The following ENTREP1 variants were observed in gnomAD, a reference collection of about 807,000 sequenced individuals.
ENTREP1 encodes endosomal transmembrane epsin interactor 1, also known as Friedreich ataxia region gene X123.
chr9:69,368,739 A>C, the ENTREP1 span, among the ~76,000 whole-genome samples: 48,597 of 152,042 alleles, frequency 0.32, 9,050 homozygotes, highest in Admixed American at 0.4. Flanking sequence ...TCTTCTTTAT[A>C]AGTTTGGTAG....
the ENTREP1 span, among the ~76,000 whole-genome samples, chr9:69,346,845 G>GA: frequency 1.6e-4 from 25 of 152,172 alleles, no homozygotes; most frequent in Non-Finnish European, 2.9e-5. Flanking sequence ...TCCCAGCCTA[G>GA]AAAAAGATTA....
the ENTREP1 span, among the ~76,000 whole-genome samples, chr9:69,331,648 T>A: frequency 3.9e-5 from 6 of 152,222 alleles, no homozygotes; most frequent in Non-Finnish European, 7.3e-5. Flanking sequence ...GTTGCTGCTG[T>A]ACTCTTTTAG....
the ENTREP1 span, among the ~76,000 whole-genome samples, chr9:69,367,620 C>T: frequency 7.8e-6 from 1 of 128,298 alleles, no homozygotes; most frequent in Admixed American, 8.3e-5. Context: ...TATATACACA[C>T]ATATATATAA....
chr9:69,337,057 C>T, the ENTREP1 span, among the ~76,000 whole-genome samples: 4 of 137,630 alleles, frequency 2.9e-5, no homozygotes, highest in Non-Finnish European at 4.5e-5. Flanking sequence ...CCCTGTCGCC[C>T]AGGCTGGAGT....
the ENTREP1 span, among the ~76,000 whole-genome samples, chr9:69,347,606 G>C: frequency 6.6e-6 from 1 of 152,174 alleles, no homozygotes; most frequent in Non-Finnish European, 1.5e-5. Flanking sequence ...ACACAGCCTT[G>C]GACATTGTAA....
chr9:69,359,051 G>A, the ENTREP1 span, among the ~76,000 whole-genome samples: 359 of 151,840 alleles, frequency 2.4e-3, 3 homozygotes, highest in African/African-American at 8.4e-3. Flanking sequence ...GATTATAGGC[G>A]TGTATCACCG....
chr9:69,330,236 T>G, the ENTREP1 span, among the ~76,000 whole-genome samples: 1 of 152,148 alleles, frequency 6.6e-6, no homozygotes, highest in Non-Finnish European at 1.5e-5. Context: ...TGCACTAGAT[T>G]TAATGAAAGA....
chr9:69,364,450 C>T, the ENTREP1 span, among the ~76,000 whole-genome samples: 2 of 151,818 alleles, frequency 1.3e-5, no homozygotes, highest in Non-Finnish European at 2.9e-5. Flanking sequence ...TCTTCCCCTT[C>T]CCAGATGTTG....
chr9:69,334,136 C>CATG, the ENTREP1 span, among the ~76,000 whole-genome samples: 1 of 152,180 alleles, frequency 6.6e-6, no homozygotes, highest in African/African-American at 2.4e-5. Context: ...CCCAGGACCT[C>CATG]ATGGATTGCA....
the ENTREP1 span, among the ~76,000 whole-genome samples, chr9:69,347,751 T>C: frequency 6.6e-6 from 1 of 152,176 alleles, no homozygotes; most frequent in African/African-American, 2.4e-5. Flanking sequence ...CAGAGTGGCC[T>C]TGAACAACAT....
chr9:69,372,299 T>G, the ENTREP1 span, among the ~76,000 whole-genome samples: 2 of 152,196 alleles, frequency 1.3e-5, no homozygotes, highest in African/African-American at 4.8e-5. Context: ...AGAACTCTTT[T>G]CATATTGTAA....
chr9:69,328,518 C>T, the ENTREP1 span, among the ~76,000 whole-genome samples: 684 of 152,266 alleles, frequency 4.5e-3, 6 homozygotes, highest in Non-Finnish European at 7.5e-3. Flanking sequence ...CGCTGCTCCC[C>T]CTTCCTAACA....
At chr9:69,335,524 A>G in the ENTREP1 span, among the ~76,000 whole-genome samples, 1 of 152,170 alleles carries the variant, frequency 6.6e-6, no homozygotes, top group Non-Finnish European at 1.5e-5. Flanking sequence ...GGTACTTGGT[A>G]GGAAGGTATG....
the ENTREP1 span, among the ~76,000 whole-genome samples, chr9:69,367,694 C>CAT: frequency 1.1e-5 from 1 of 94,204 alleles, no homozygotes; most frequent in South Asian, 3.4e-4. Flanking sequence ...TATATATACA[C>CAT]ATATATATAA....
the ENTREP1 span, among the ~76,000 whole-genome samples, chr9:69,363,886 G>A: frequency 6.6e-6 from 1 of 152,202 alleles, no homozygotes; most frequent in Admixed American, 6.5e-5. Context: ...AACAGGAGAT[G>A]CCCCACACAC....
chr9:69,352,159 C>G, the ENTREP1 span, among the ~76,000 whole-genome samples: 5 of 152,002 alleles, frequency 3.3e-5, no homozygotes, highest in African/African-American at 1.2e-4. Flanking sequence ...CTCTGTTGCC[C>G]AGGCTGGAGT....
At chr9:69,350,060 T>C in the ENTREP1 span, among the ~76,000 whole-genome samples, 6 of 152,336 alleles carry the variant, frequency 3.9e-5, no homozygotes, top group South Asian at 1.2e-3. Flanking sequence ...GATGATGCCC[T>C]TTGAAGCACA....
the ENTREP1 span, among the ~76,000 whole-genome samples, chr9:69,332,183 A>G: frequency 6.6e-6 from 1 of 152,168 alleles, no homozygotes; most frequent in Non-Finnish European, 1.5e-5. Flanking sequence ...ATCACCACTC[A>G]CAGGGTTCCC....
chr9:69,328,773 C>CT, the ENTREP1 span, among the ~76,000 whole-genome samples: 2 of 152,124 alleles, frequency 1.3e-5, no homozygotes, highest in Admixed American at 6.5e-5. Flanking sequence ...TTAAAGTGTA[C>CT]TGGTCAATGG....
Sources: allele counts gnomAD v4.1 joint callset (sites outside exome capture counted in the v4.1 genomes callset), GRCh38; gene constraint gnomAD v4.1.1; transcripts MANE v1.5; gene names NCBI Gene and HGNC (gene_info 2026-07-23, HGNC 2026-07-21).